The following CPLX2 variants were observed in gnomAD, a reference collection of about 807,000 sequenced individuals.
CPLX2 encodes complexin-2.
In CPLX2, 5 loss-of-function variants were observed where a neutral mutation model predicts 16.3. The ratio of observed to expected loss-of-function variants is 0.31; its 90% CI spans 0.16 to 0.64. The LOEUF (loss-of-function observed/expected upper bound fraction) is 0.64, where lower values mean the gene tolerates loss of function less well. Ranked by LOEUF, CPLX2 falls within the 30% of genes least tolerant of loss-of-function variation. CPLX2 has a pLI of 0.79. For missense variants in CPLX2, 144 were observed against 181.4 expected, an observed-to-expected ratio of 0.79 and a Z score of 1.18; for synonymous variants, 89 against 73.2, an observed-to-expected ratio of 1.22 and a Z score of -1.10.
chr5:175,860,857 C>T (rs1289473537), intron 2 of CPLX2, among the ~76,000 whole-genome samples: 6 of 152,148 alleles, frequency 3.9e-5, no homozygotes, highest in Non-Finnish European at 8.8e-5. Context: ...GACAGGAACT[C>T]CAGGCAACAC....
chr5:175,863,024 G>GA (rs1442987354), intron 2 of CPLX2, among the ~76,000 whole-genome samples: 2 of 152,244 alleles, frequency 1.3e-5, no homozygotes, highest in Non-Finnish European at 2.9e-5. Flanking sequence ...AAGCCAGTTA[G>GA]AAAGTAAAGA....
At position 175,882,315 on chromosome 5, in the gene CPLX2, G is replaced by A. The variant is rs569726186; in HGVS notation, c.*2270G>A. 6.5e-6 allele frequency: 1 copy of A among 152,696 alleles called. No homozygotes were observed. Among genetic ancestry groups the A allele is most frequent in the Admixed American group, 6.5e-5 (1 of 15,302 alleles). 9.5% of individuals were successfully genotyped at this position (152,696 alleles called of 1,614,324 possible). ...AGAGACAGGCAGGGCCCAGTCCAGG[G>A]GCCCCAGGCCTCCCCAGTCCCAGTG... is the stretch of plus-strand genomic sequence containing the variant. On this transcript the variant is annotated 3_prime_UTR_variant, in exon 4 of 4. Coordinates refer to ENST00000393745, the MANE Select transcript of CPLX2 (RefSeq NM_001008220.2).
intron 2 of CPLX2, among the ~76,000 whole-genome samples, chr5:175,821,053 G>A (rs1030963348): frequency 2.6e-5 from 4 of 152,100 alleles, no homozygotes; most frequent in Non-Finnish European, 4.4e-5. Flanking sequence ...CCTGGGATTT[G>A]GCAAAAGATC....
At position 175,879,989 on chromosome 5, in the gene CPLX2, C is replaced by A. The variant is rs1194063361; in HGVS notation, c.349C>A (p.Leu117Met). Residue 117 changes from leucine (L) to methionine (M), a missense_variant, in exon 4 of 4, where the codon CTG becomes ATG. By Grantham distance (15) the Leu-to-Met change is conservative. Transcript: ENST00000393745. ...DEEEEEEESI[L>M]DTVLKYLPGP... ...GGAGGAGGAGGAAGAGGAGAGCATC[C>A]TGGACACGGTGCTCAAATACCTGCC... 6.2e-7 allele frequency: 1 copy of A among 1,614,016 alleles called. No homozygotes were observed. The highest frequency in any genetic ancestry group is 1.1e-5 in the South Asian group (1 of 90,990).
At chr5:175,873,685 G>A (rs572768793) in intron 1 of CPLX2, among the ~76,000 whole-genome samples, 173 of 152,320 alleles carry the variant, frequency 1.1e-3, no homozygotes, top group African/African-American at 4.0e-3. Flanking sequence ...TGCTGCTGAT[G>A]ATGATAATGA....
chr5:175,819,419 C>T (rs1052438246), intron 2 of CPLX2, among the ~76,000 whole-genome samples: 2 of 152,166 alleles, frequency 1.3e-5, no homozygotes, highest in African/African-American at 2.4e-5. Flanking sequence ...TGGTATTTTC[C>T]GTCTTTTCCA....
intron 2 of CPLX2, among the ~76,000 whole-genome samples, chr5:175,816,054 G>A (rs1352612832): frequency 1.3e-5 from 2 of 152,184 alleles, no homozygotes; most frequent in Non-Finnish European, 2.9e-5. Context: ...TTAACATGAT[G>A]TCTTCTGTGG....
In CPLX2 at chr5:175,883,459, CA is replaced by C. The variant is rs1363580849; in HGVS notation, c.*3415del. On this transcript the variant is annotated 3_prime_UTR_variant, in exon 4 of 4. Coordinates refer to ENST00000393745, the MANE Select transcript of CPLX2 (RefSeq NM_001008220.2). ...AAGTATTGCAGCCCAGATCCCCTAT[CA>C]GGGGGACAGCTGGTGGGCAAAGCAG... The C allele has an allele frequency of 3.3e-5, 5 of 152,398 alleles. No individual in the cohort carries two copies. The highest frequency in any genetic ancestry group is 1.2e-4 in the African/African-American group (5 of 41,440). 9.4% of individuals were successfully genotyped at this position (152,398 alleles called of 1,614,324 possible).
intron 1 of CPLX2, among the ~76,000 whole-genome samples, chr5:175,808,074 C>T (rs921647852): frequency 4.6e-5 from 7 of 150,942 alleles, no homozygotes; most frequent in Non-Finnish European, 1.0e-4. Context: ...GGGAGGAGGA[C>T]ATTGCAGCCC....
intron 2 of CPLX2, among the ~76,000 whole-genome samples, chr5:175,816,646 CA>C (rs1464040971): frequency 6.6e-6 from 1 of 152,162 alleles, no homozygotes; most frequent in Non-Finnish European, 1.5e-5. Flanking sequence ...GCCAGGGGTC[CA>C]AAAGGAGGAC....
upstream of CPLX2, among the ~76,000 whole-genome samples, chr5:175,870,208 AG>A: frequency 6.6e-6 from 1 of 152,192 alleles, no homozygotes. Flanking sequence ...GCCCTAAAGG[AG>A]GGGCCTTCCT....
chr5:175,837,257 C>T (rs1193210073), intron 2 of CPLX2, among the ~76,000 whole-genome samples: 4 of 152,162 alleles, frequency 2.6e-5, no homozygotes, highest in Admixed American at 6.5e-5. Flanking sequence ...GGCAACCCCA[C>T]GGGGCGTCTC....
chr5:175,797,019 G>A (rs945573943), intron 1 of CPLX2, among the ~76,000 whole-genome samples: 1 of 152,208 alleles, frequency 6.6e-6, no homozygotes, highest in African/African-American at 2.4e-5. Flanking sequence ...GCGCCGCACC[G>A]GGTCCCTATC....
In CPLX2 at chr5:175,883,622, C is replaced by T. The variant is rs1321335250; in HGVS notation, c.*3577C>T. On this transcript the variant is annotated 3_prime_UTR_variant, in exon 4 of 4. Transcript: ENST00000393745. ...CTAGGGTTCCACAGGCCCCTGACCGCACAGGGAGGCTGGGGCCAGCCTGGT... is the reference window on the plus strand; with the variant it reads ...CTAGGGTTCCACAGGCCCCTGACCGTACAGGGAGGCTGGGGCCAGCCTGGT... The T allele has an allele frequency of 6.6e-6, 1 of 152,350 alleles. No homozygotes were observed. The highest frequency in any genetic ancestry group is 6.5e-5 in the Admixed American group (1 of 15,290). 9.4% of individuals were successfully genotyped at this position (152,350 alleles called of 1,614,324 possible).
chr5:175,849,872 C>T lies in CPLX2; in HGVS notation c.-88-28780C>T, dbSNP rs565006954. Among the ~76,000 whole-genome samples the T allele has an allele frequency of 6.6e-6, 1 of 152,210 alleles. No homozygotes were observed. The highest frequency in any genetic ancestry group is 1.5e-5 in the Non-Finnish European group (1 of 68,036). On this transcript the variant is annotated intron_variant, in intron 2 of 4. Transcript: ENST00000359546. This position sits in a 1 kb window ranked among gnomAD's most constrained non-coding sequence, Gnocchi z 4.4. ...AGGTGGGCTCTCAGCAAACATGAGT[C>T]CCTTCCTCAAATATTAATGGAATTG...
chr5:175,852,338 G>C (rs1438749558), intron 2 of CPLX2, among the ~76,000 whole-genome samples: 2 of 152,212 alleles, frequency 1.3e-5, no homozygotes, highest in African/African-American at 2.4e-5. Context: ...TTTGAGAGTT[G>C]ACCTGCCTCT....
chr5:175,852,258 T>C (rs1215960227), intron 2 of CPLX2, among the ~76,000 whole-genome samples: 1 of 152,208 alleles, frequency 6.6e-6, no homozygotes, highest in African/African-American at 2.4e-5. Flanking sequence ...GACAAAGTAT[T>C]TTCTTGCCTA....
chr5:175,863,976 T>G (rs550865539), intron 2 of CPLX2, among the ~76,000 whole-genome samples: 7 of 152,234 alleles, frequency 4.6e-5, no homozygotes, highest in African/African-American at 1.7e-4. Flanking sequence ...AGGAAGATTA[T>G]GAGGCAGAGT....
At chr5:175,874,825 G>A (rs1417612059) in intron 1 of CPLX2, among the ~76,000 whole-genome samples, 2 of 152,136 alleles carry the variant, frequency 1.3e-5, no homozygotes, top group Non-Finnish European at 2.9e-5. Flanking sequence ...CAGGAGGGGA[G>A]AGTTTGTTTG....
Sources: allele counts gnomAD v4.1 joint callset (sites outside exome capture counted in the v4.1 genomes callset), GRCh38; gene constraint gnomAD v4.1.1; non-coding constraint Gnocchi (gnomAD v3.1); transcripts MANE v1.5; gene names NCBI Gene and HGNC (gene_info 2026-07-23, HGNC 2026-07-21).